Variants in PTER observed in about 807,000 individuals in gnomAD.
The protein encoded by PTER is phosphotriesterase related.
In PTER, 38 loss-of-function variants were observed where a neutral mutation model predicts 29.6. That is an observed-to-expected ratio of 1.28 (90% CI 0.99 to 1.68). PTER has a LOEUF of 1.68. Among genes scored for constraint, PTER ranks in the 40% most tolerant of loss-of-function variants. The pLI is 0.00. For synonymous variants in PTER, 172 were observed against 154.5 expected, an observed-to-expected ratio of 1.11 and a Z score of -0.84; for missense variants, 482 against 427.8, an observed-to-expected ratio of 1.13 and a Z score of -1.12.
intron 2 of PTER, among the ~76,000 whole-genome samples, chr10:16,485,197 T>C (rs958474226): frequency 1.3e-5 from 2 of 152,228 alleles, no homozygotes; most frequent in African/African-American, 2.4e-5. Context: ...CGATTTTTTT[T>C]CACCCTGGAT....
rs747658233 is a variant in PTER at position 16,511,189 on chromosome 10, G to T, written c.983G>T (p.Gly328Val). Residue 328 changes from glycine to valine, a missense_variant, in exon 5 of 5, where the codon GGC (glycine) becomes GTC (valine). Transcript: ENST00000535784. Reference sequence around the variant, plus strand: ...GTTGTTCCTAAAATGTTGCTGAGAGGCATAACTGAGAATGTGCTTGATAAG... The same window carrying T: ...GTTGTTCCTAAAATGTTGCTGAGAGTCATAACTGAGAATGTGCTTGATAAG... ...TNVVPKMLLR[G>V]ITENVLDKIL... 2.5e-6 allele frequency: 4 copies of T among 1,614,122 alleles called. No individual in the cohort carries two copies. The highest frequency in any genetic ancestry group is 3.4e-6 in the Non-Finnish European group (4 of 1,179,986).
chr10:16,488,919 T>A (rs1191187827), intron 3 of PTER, among the ~76,000 whole-genome samples: 1 of 152,244 alleles, frequency 6.6e-6, no homozygotes, highest in East Asian at 1.9e-4. Context: ...TTTCTTTTAA[T>A]TGCGTGCTTG....
Position 16,512,445 on chromosome 10 carries a change from C to G in PTER, c.*1189C>G, listed in dbSNP as rs948981228. ...CCATTGCAATTCATTTATGAGTTAT[C>G]TTACATATCACAAAGACCAATTAGA... On this transcript the variant is annotated 3_prime_UTR_variant, in exon 5 of 5. Transcript: ENST00000535784. The G allele has an allele frequency of 6.6e-6, 1 of 152,122 alleles. No individual in the cohort carries two copies. Among genetic ancestry groups the G allele is most frequent in the Non-Finnish European group, 1.5e-5 (1 of 68,002 alleles). The allele number at this position is 152,122 out of a possible 1,614,324, so 9.4% of individuals were successfully genotyped here.
At position 16,486,431 on chromosome 10, in the gene PTER, G is replaced by A. The variant is rs748801684; in HGVS notation, c.512G>A (p.Gly171Asp). The change falls in exon 3 of 5, where the codon GGT (glycine) becomes GAT (aspartate). Residue 171 changes from glycine to aspartate, a missense_variant. Physicochemically the swap from Gly to Asp is moderately conservative, Grantham distance 94. Coordinates refer to ENST00000535784, the MANE Select transcript of PTER (RefSeq NM_001261836.2). ...SIKCGIIGEI[G>D]CSWPLTESER... ...AAGTGTGGCATTATTGGAGAAATTG[G>A]TTGCTCCTGGCCTTTGACTGAGAGT... 3.1e-6 allele frequency: 5 copies of A among 1,613,894 alleles called. No homozygotes were observed. The highest frequency in any genetic ancestry group is 1.1e-5 in the South Asian group (1 of 91,076).
chr10:16,502,286 C>T (rs1483631986), intron 3 of PTER, among the ~76,000 whole-genome samples: 2 of 152,150 alleles, frequency 1.3e-5, no homozygotes, highest in Admixed American at 6.5e-5. Context: ...TTACCTCTTC[C>T]CGCTTACATT....
chr10:16,485,973 C>G (rs111614922), intron 2 of PTER, among the ~76,000 whole-genome samples: 1 of 151,990 alleles, frequency 6.6e-6, no homozygotes, highest in Non-Finnish European at 1.5e-5. Context: ...ACTTGATACA[C>G]GGGACATAGA....
chr10:16,501,495 A>G (rs530554205), intron 3 of PTER, among the ~76,000 whole-genome samples: 141 of 152,168 alleles, frequency 9.3e-4, no homozygotes, highest in Non-Finnish European at 1.1e-3. Flanking sequence ...AATCCTGCTT[A>G]CTATATATAG....
intron 1 of PTER, among the ~76,000 whole-genome samples, chr10:16,452,302 T>C (rs926495414): frequency 4.5e-5 from 1 of 22,010 alleles, no homozygotes; most frequent in Non-Finnish European, 7.3e-5. Flanking sequence ...ACTTTTTTTG[T>C]TTTTTTTTTT....
At chr10:16,458,350 A>G (rs1834488826) in intron 1 of PTER, among the ~76,000 whole-genome samples, 1 of 152,158 alleles carries the variant, frequency 6.6e-6, no homozygotes, top group Non-Finnish European at 1.5e-5. Flanking sequence ...TGCTCTTACA[A>G]TGTCAAAGTG....
At chr10:16,441,715 C>T (rs190784686) in intron 1 of PTER, among the ~76,000 whole-genome samples, 3 of 152,268 alleles carry the variant, frequency 2.0e-5, no homozygotes, top group Admixed American at 6.5e-5. Flanking sequence ...TTATGTTGTT[C>T]GGGGCATGAC....
chr10:16,474,853 C>G (rs1202659100), intron 1 of PTER, among the ~76,000 whole-genome samples: 1 of 152,132 alleles, frequency 6.6e-6, no homozygotes, highest in Non-Finnish European at 1.5e-5. Flanking sequence ...CACCACTGCA[C>G]TCCAGCCTGG....
intron 1 of PTER, among the ~76,000 whole-genome samples, chr10:16,477,094 T>C (rs1185853805): frequency 6.6e-6 from 1 of 151,912 alleles, no homozygotes; most frequent in Non-Finnish European, 1.5e-5. Flanking sequence ...TTAGTAGAGA[T>C]GGGCTGGCCA....
At chr10:16,449,897 C>T (rs1834144907) in intron 1 of PTER, among the ~76,000 whole-genome samples, 1 of 152,128 alleles carries the variant, frequency 6.6e-6, no homozygotes, top group Non-Finnish European at 1.5e-5. Context: ...CTAGCTCACA[C>T]ACAGTGGGTC....
intron 1 of PTER, among the ~76,000 whole-genome samples, chr10:16,445,511 T>C (rs1472220990): frequency 6.6e-6 from 1 of 152,232 alleles, no homozygotes; most frequent in Non-Finnish European, 1.5e-5. Flanking sequence ...GAGACATTTT[T>C]TATTTATGCT....
At chr10:16,502,151 A>G (rs1034216684) in intron 3 of PTER, among the ~76,000 whole-genome samples, 3 of 152,216 alleles carry the variant, frequency 2.0e-5, no homozygotes, top group Non-Finnish European at 4.4e-5. Context: ...AGGAGCAGAA[A>G]TAAGAGTATG....
chr10:16,502,544 T>C (rs987617033), intron 3 of PTER, among the ~76,000 whole-genome samples: 2 of 152,260 alleles, frequency 1.3e-5, no homozygotes, highest in South Asian at 4.2e-4. Flanking sequence ...CTCTAAGTTA[T>C]GCTAATTTGG....
At chr10:16,447,244 G>T (rs1287873789) in intron 1 of PTER, among the ~76,000 whole-genome samples, 7 of 151,486 alleles carry the variant, frequency 4.6e-5, no homozygotes, top group African/African-American at 1.7e-4. Flanking sequence ...GAGACGACAG[G>T]CACATGCCAC....
chr10:16,464,145 T>C (rs1338270937), intron 1 of PTER, among the ~76,000 whole-genome samples: 1 of 152,198 alleles, frequency 6.6e-6, no homozygotes, highest in Non-Finnish European at 1.5e-5. Flanking sequence ...CCATAATCTC[T>C]TGAAGGTAAT....
At chr10:16,471,968 G>A (rs1181284975) in intron 1 of PTER, among the ~76,000 whole-genome samples, 1 of 152,196 alleles carries the variant, frequency 6.6e-6, no homozygotes, top group Non-Finnish European at 1.5e-5. Flanking sequence ...ACTTTTGCCA[G>A]CGTGTGGCTA....
Sources: gnomAD v4.1 joint callset for allele counts (sites outside exome capture counted in the v4.1 genomes callset) on GRCh38, gnomAD v4.1.1 for gene constraint, MANE v1.5 for transcripts, NCBI Gene and HGNC (gene_info 2026-07-23, HGNC 2026-07-21) for gene names.